The following SLC39A1 variants were observed in gnomAD, a reference collection of about 807,000 sequenced individuals.
SLC39A1 encodes the protein solute carrier family 39 member 1, also known as zinc transporter ZIP1.
SLC39A1 carries 17 observed loss-of-function variants against 21.4 expected under a neutral mutation model. That is an observed-to-expected ratio of 0.79 (90% CI 0.54 to 1.19). The LOEUF is 1.19. Among genes scored for constraint, SLC39A1 ranks in the 50% most tolerant of loss-of-function variants. The pLI, the probability that SLC39A1 is intolerant of heterozygous loss-of-function variation, is 0.00. For missense variants in SLC39A1, 343 were observed against 399.8 expected (o/e 0.86, Z 1.21); for synonymous variants, 183 against 185.9 (o/e 0.98, Z 0.13).
chr1:153,964,714 TGAA>T (rs1647685063), upstream of SLC39A1: 1 of 151,184 alleles, frequency 6.6e-6, no homozygotes, highest in African/African-American at 2.4e-5. Context: ...AGGCCGAGGA[TGAA>T]TCACCTGAGG....
chr1:153,964,429 G>A (rs879423501), upstream of SLC39A1: 1 of 152,172 alleles, frequency 6.6e-6, no homozygotes, highest in South Asian at 2.1e-4. Context: ...CTAGCCTCAA[G>A]GGACGGTAAG....
rs370004083 is a variant in SLC39A1 at position 153,962,303 on chromosome 1, C to T, written c.235G>A (p.Val79Ile). The part of the protein sequence containing the change: ...LSLVSCFAGG[V>I]FLATCLLDLL... ...TCCAGGAGACAAGTGGCCAAAAAGA[C>T]GCCCCCCGCGAAACAGCTTACTAGG... Residue 79 changes from valine to isoleucine, a missense_variant, in exon 3 of 4, where the codon GTC becomes ATC. By Grantham distance (29) the Val-to-Ile change is conservative (BLOSUM62 3). Coordinates refer to ENST00000356205, the MANE Select transcript of SLC39A1 (RefSeq NM_001271958.2). The T allele has an allele frequency of 5.0e-6, 8 of 1,614,014 alleles. No individual in the cohort carries two copies. Among genetic ancestry groups the T allele is most frequent in the African/African-American group, 1.3e-5 (1 of 74,902 alleles).
Position 153,962,275 on chromosome 1 carries a change from A to G in SLC39A1, c.263T>C (p.Leu88Pro). 1 of 1,614,194 alleles carries G rather than the reference A, an allele frequency of 6.2e-7. No individual in the cohort carries two copies. Residue 88 changes from leucine to proline, a missense_variant, in exon 3 of 4, where the codon CTG becomes CCG. Transcript: ENST00000356205. ...GVFLATCLLD[L>P]LPDYLAAIDE... Reference sequence around the variant, plus strand: ...TATGGCAGCCAGGTAGTCAGGCAGCAGGTCCAGGAGACAAGTGGCCAAAAA... The same window carrying G: ...TATGGCAGCCAGGTAGTCAGGCAGCGGGTCCAGGAGACAAGTGGCCAAAAA...
chr1:153,964,108 A>G (rs1312787021), upstream of SLC39A1, among the ~76,000 whole-genome samples: 2 of 152,206 alleles, frequency 1.3e-5, no homozygotes, highest in Admixed American at 6.5e-5. Context: ...CTTCTCGACT[A>G]CTTATGGCAC....
At chr1:153,962,828 G>A (rs2102141517) in intron 1 of SLC39A1, 81 bp from the exon 2 acceptor site, 3 of 1,172,792 alleles carry the variant, frequency 2.6e-6, no homozygotes, top group South Asian at 3.5e-5. Flanking sequence ...GGTCAGCAGA[G>A]TGCAGCTCCC....
At position 153,960,048 on chromosome 1, in the gene SLC39A1, G is replaced by T; in HGVS notation, c.*50C>A. The T allele has an allele frequency of 6.5e-7, 1 of 1,533,704 alleles. No individual in the cohort carries two copies. Among genetic ancestry groups the T allele is most frequent in the South Asian group, 1.3e-5 (1 of 78,704 alleles). On this transcript the variant is annotated 3_prime_UTR_variant, in exon 4 of 4. Transcript: ENST00000356205. ...CCCCACAACTGGGGGAGGGAAGGGA[G>T]AACAGGGGCACCTGATCATCAATCT...
At chr1:153,965,659 C>G (rs1647741195), upstream of SLC39A1, among the ~76,000 whole-genome samples, 1 of 151,976 alleles carries the variant, frequency 6.6e-6, no homozygotes, top group Non-Finnish European at 1.5e-5. Flanking sequence ...GCTCTTGGCT[C>G]ACTACAACTT....
Position 153,959,535 on chromosome 1 carries a change from A to C in SLC39A1, c.*563T>G, listed in dbSNP as rs1680844025. On this transcript the variant is annotated 3_prime_UTR_variant, in exon 4 of 4. Transcript: ENST00000356205. ...GATTTGTTTGGCACTTTAAAAATAG[A>C]GGAGTAAGCAGGACTGGAGAGGCCA... 1 of 359,794 alleles carries C rather than the reference A, an allele frequency of 2.8e-6. No homozygotes were observed. Among genetic ancestry groups the C allele is most frequent in the Admixed American group, 4.7e-5 (1 of 21,458 alleles). The allele number at this position is 359,794 out of a possible 1,614,324, so 22.3% of individuals were successfully genotyped here. A position where few individuals can be genotyped will look rare whatever the true frequency, so the allele number is the denominator to read the frequency against.
upstream of SLC39A1, among the ~76,000 whole-genome samples, chr1:153,967,152 T>G (rs1647838909): frequency 6.6e-6 from 1 of 152,252 alleles, no homozygotes; most frequent in South Asian, 2.1e-4. Context: ...TTTAACTTGT[T>G]GCAGTTTTCC....
intron 3 of SLC39A1, 139 bp from the exon 4 acceptor site, chr1:153,960,893 T>A: frequency 2.7e-6 from 2 of 737,384 alleles, no homozygotes; most frequent in South Asian, 1.9e-5. Context: ...AGTGAATTGG[T>A]AACACTGACA....
chr1:153,967,722 A>G (rs1667009905), upstream of SLC39A1: 1 of 152,228 alleles, frequency 6.6e-6, no homozygotes, highest in Admixed American at 6.5e-5. Context: ...TGAACAGCCA[A>G]ACTGTCTCCG....
Position 153,959,930 on chromosome 1 carries a change from C to T in SLC39A1, c.*168G>A. 1.4e-6 allele frequency: 1 copy of T among 720,898 alleles called. No homozygotes were observed. The allele number at this position is 720,898 out of a possible 1,614,324, so 44.7% of individuals were successfully genotyped here. A position where few individuals can be genotyped will look rare whatever the true frequency, so the allele number is the denominator to read the frequency against. On this transcript the variant is annotated 3_prime_UTR_variant, in exon 4 of 4. Coordinates refer to ENST00000356205, the MANE Select transcript of SLC39A1 (RefSeq NM_001271958.2). ...GGCCAGCCTCTTGTCTGCCCACTTCCCTCTCATTAGTCAGATAGCCCCAAA... is the reference window on the plus strand; with the variant it reads ...GGCCAGCCTCTTGTCTGCCCACTTCTCTCTCATTAGTCAGATAGCCCCAAA...
At position 153,960,235 on chromosome 1, in the gene SLC39A1, C is replaced by T. The variant is rs779494685; in HGVS notation, c.838G>A (p.Ala280Thr). 1.4e-5 allele frequency: 22 copies of T among 1,614,080 alleles called. No individual in the cohort carries two copies. In the South Asian group the frequency reaches 2.4e-4, roughly 18 times the overall value. ...AAGGTGATATAGAGAAAGGTGCCAG[C>T]TGCCATGCCCTCTAGCACAGACTGG... is the stretch of plus-strand genomic sequence containing the variant. ...LAQSVLEGMAAGTFLYITFLE... is the reference protein window; with the variant it reads ...LAQSVLEGMATGTFLYITFLE... Residue 280 changes from alanine to threonine, a missense_variant, in exon 4 of 4, where the codon GCT (alanine) becomes ACT (threonine). Physicochemically the swap from Ala to Thr is moderately conservative, Grantham distance 58 (BLOSUM62 0). Transcript: ENST00000356205.
At position 153,962,204 on chromosome 1, in the gene SLC39A1, C is replaced by T. The variant is rs76168254; in HGVS notation, c.318+16G>A. The T allele has an allele frequency of 1.7e-3, 2,779 of 1,612,148 alleles. 6 individuals are homozygous for T. The highest frequency in any genetic ancestry group is 2.2e-3 in the Non-Finnish European group (2,607 of 1,178,964). ...GATTCCCCTCCCGCAAGTCACATGCCCAGGCCAGTGCTCACCGTCACGTGC... is the reference window on the plus strand; with the variant it reads ...GATTCCCCTCCCGCAAGTCACATGCTCAGGCCAGTGCTCACCGTCACGTGC... On this transcript the variant is annotated intron_variant, in intron 3 of 3. Coordinates refer to ENST00000356205, the MANE Select transcript of SLC39A1 (RefSeq NM_001271958.2).
At chr1:153,967,855 G>C, upstream of SLC39A1, 1 of 152,142 alleles carries the variant, frequency 6.6e-6, no homozygotes, top group African/African-American at 2.4e-5. Context: ...GCCACGCGGT[G>C]GGCGAGGGGA....
At chr1:153,967,103 A>G (rs548456723), upstream of SLC39A1, among the ~76,000 whole-genome samples, 1 of 152,380 alleles carries the variant, frequency 6.6e-6, no homozygotes, top group South Asian at 2.1e-4. Flanking sequence ...GTTCCCGGTA[A>G]CTGTATGCAA....
rs1322954000 is a variant in SLC39A1, at chr1:153,960,120, C to G, written c.953G>C (p.Gly318Ala). The change falls in exon 4 of 4, where the codon GGC (glycine) becomes GCC (alanine). Residue 318 changes from glycine to alanine, a missense_variant. By Grantham distance (60) the Gly-to-Ala change is moderately conservative (BLOSUM62 0). Transcript: ENST00000356205. ...CCCCTAGATTTGGATGAAGAGCAGGCCAGTGAGCAGGGCAAAGCCTGCTAG... is the reference window on the plus strand; with the variant it reads ...CCCCTAGATTTGGATGAAGAGCAGGGCAGTGAGCAGGGCAAAGCCTGCTAG... ...LLLAGFALLT[G>A]LLFIQI 6.2e-7 allele frequency: 1 copy of G among 1,610,752 alleles called. No homozygotes were observed. Among genetic ancestry groups the G allele is most frequent in the Admixed American group, 1.7e-5 (1 of 59,904 alleles).
chr1:153,967,010 T>G, upstream of SLC39A1: 1 of 152,260 alleles, frequency 6.6e-6, no homozygotes, highest in East Asian at 1.9e-4. Context: ...ACCCGCCGTG[T>G]GTGCCTCAGA....
rs769367048 is a variant in SLC39A1 at position 153,962,232 on chromosome 1, G to C, written c.306C>G (p.Ala102=). The part of the protein sequence containing the change: ...YLAAIDEALA[A]LHVTLQFPLQ... Reference sequence around the variant, plus strand: ...GGCCAGTGCTCACCGTCACGTGCAAGGCTGCCAGGGCCTCATCTATGGCAG... The same window carrying C: ...GGCCAGTGCTCACCGTCACGTGCAACGCTGCCAGGGCCTCATCTATGGCAG... The change falls in exon 3 of 4, where the codon GCC becomes GCG. Residue 102 remains alanine (A), a synonymous_variant. Coordinates refer to ENST00000356205, the MANE Select transcript of SLC39A1 (RefSeq NM_001271958.2). The C allele has an allele frequency of 6.2e-7, 1 of 1,614,050 alleles. No individual in the cohort carries two copies. Among genetic ancestry groups the C allele is most frequent in the Non-Finnish European group, 8.5e-7 (1 of 1,179,982 alleles).
Sources: gnomAD v4.1 joint callset for allele counts (sites outside exome capture counted in the v4.1 genomes callset) on GRCh38, gnomAD v4.1.1 for gene constraint, MANE v1.5 for transcripts, NCBI Gene and HGNC (gene_info 2026-07-23, HGNC 2026-07-21) for gene names.